The following TSNARE1 variants were observed in gnomAD, a reference collection of about 807,000 sequenced individuals.
TSNARE1 encodes t-SNARE domain containing 1.
TSNARE1 carries 49 observed loss-of-function variants against 62.0 expected under a neutral mutation model. That is an observed-to-expected ratio of 0.79 (90% confidence interval 0.63 to 1.00). The LOEUF is 1.00. TSNARE1 is among the 50% of genes least tolerant of loss of function. TSNARE1 has a pLI of 0.00. For missense variants in TSNARE1, 755 were observed against 700.1 expected (o/e 1.08, Z -0.88); for synonymous variants, 328 against 294.4 (o/e 1.11, Z -1.17).
chr8:142,215,744 T>C (rs925601238), intron 13 of TSNARE1, among the ~76,000 whole-genome samples: 2 of 152,196 alleles, frequency 1.3e-5, no homozygotes, highest in African/African-American at 4.8e-5. Flanking sequence ...AGAGGCCAGC[T>C]GGCAGTGGCA....
chr8:142,317,985 G>A (rs1828847636), intron 7 of TSNARE1, among the ~76,000 whole-genome samples: 1 of 152,154 alleles, frequency 6.6e-6, no homozygotes, highest in South Asian at 2.1e-4. Context: ...TTGCGGACAG[G>A]GTGGAAATGA....
At chr8:142,224,353 C>T (rs544474222) in intron 13 of TSNARE1, among the ~76,000 whole-genome samples, 15 of 152,322 alleles carry the variant, frequency 9.8e-5, no homozygotes, top group African/African-American at 3.6e-4. Context: ...ACACACTGAC[C>T]TCTGACCCTG....
In TSNARE1 at chr8:142,212,179, C is replaced by G. The variant is rs778981005; in HGVS notation, c.*146G>C. Reference sequence around the variant, plus strand: ...GGACAGCAGGCAGCTGTGAAGCTCTCGGGTCCATTGCAGGCCAAGTGACGG... The same window carrying G: ...GGACAGCAGGCAGCTGTGAAGCTCTGGGGTCCATTGCAGGCCAAGTGACGG... On this transcript the variant is annotated 3_prime_UTR_variant, in exon 14 of 14. Coordinates refer to ENST00000524325, the MANE Select transcript of TSNARE1 (RefSeq NM_145003.5). 1 of 152,478 alleles carries G rather than the reference C, an allele frequency of 6.6e-6. No homozygotes were observed. Among genetic ancestry groups the G allele is most frequent in the Non-Finnish European group, 1.5e-5 (1 of 68,260 alleles). 9.4% of individuals were successfully genotyped at this position (152,478 alleles called of 1,614,324 possible). A position where few individuals can be genotyped will look rare whatever the true frequency, so the allele number is the denominator to read the frequency against.
chr8:142,253,080 C>G (rs1041932795), intron 12 of TSNARE1, among the ~76,000 whole-genome samples: 1 of 152,232 alleles, frequency 6.6e-6, no homozygotes, highest in East Asian at 1.9e-4. Flanking sequence ...TGCCCACTCC[C>G]GGGTGCAGTA....
At chr8:142,376,734 G>A (rs1024476010) in intron 1 of TSNARE1, among the ~76,000 whole-genome samples, 33 of 152,174 alleles carry the variant, frequency 2.2e-4, no homozygotes, top group African/African-American at 6.3e-4. Context: ...ACCCAGACAC[G>A]GGACTCCCAG....
chr8:142,321,088 G>A (rs574819646), intron 6 of TSNARE1, among the ~76,000 whole-genome samples: 2 of 152,248 alleles, frequency 1.3e-5, no homozygotes, highest in South Asian at 2.1e-4. Context: ...CAAGTCCATC[G>A]TGGGAACAGG....
chr8:142,227,268 C>A (rs1816862977), intron 13 of TSNARE1, among the ~76,000 whole-genome samples: 1 of 151,164 alleles, frequency 6.6e-6, no homozygotes, highest in African/African-American at 2.5e-5. Flanking sequence ...ACAGCCAGGA[C>A]CTCCACTGCA....
intron 1 of TSNARE1, among the ~76,000 whole-genome samples, chr8:142,369,989 C>G (rs181058601): frequency 2.4e-4 from 36 of 152,182 alleles, no homozygotes; most frequent in African/African-American, 8.4e-4. Flanking sequence ...AGGAGGAGGG[C>G]CTTTTAGGAG....
intron 12 of TSNARE1, among the ~76,000 whole-genome samples, chr8:142,265,841 T>G (rs1819110656): frequency 6.6e-6 from 1 of 152,248 alleles, no homozygotes; most frequent in South Asian, 2.1e-4. Flanking sequence ...CATCTTTTCA[T>G]GAGCCTACTT....
chr8:142,286,654 T>C (rs1822815146), intron 10 of TSNARE1, among the ~76,000 whole-genome samples: 1 of 152,104 alleles, frequency 6.6e-6, no homozygotes, highest in Non-Finnish European at 1.5e-5. Flanking sequence ...CAGAGTGAGG[T>C]CACGGGTTCT....
At chr8:142,390,206 G>A (rs1837390691) in intron 1 of TSNARE1, among the ~76,000 whole-genome samples, 1 of 152,236 alleles carries the variant, frequency 6.6e-6, no homozygotes, top group African/African-American at 2.4e-5. Context: ...TGAATGTGAA[G>A]GCCTGGGACA....
chr8:142,391,693 G>A (rs1161726190), intron 1 of TSNARE1, among the ~76,000 whole-genome samples: 4 of 152,246 alleles, frequency 2.6e-5, no homozygotes, highest in African/African-American at 9.6e-5. Context: ...GCCTTGCATG[G>A]AGCCAGCACC....
Position 142,224,110 on chromosome 8 carries a change from G to A in TSNARE1, c.*11+5363C>T, listed in dbSNP as rs934271167. ...TCTCTGTCCCCATTACGCTGAGCCC[G>A]GCCCAGATCCTTCATCTACAGCAAG... On this transcript the variant is annotated intron_variant, in intron 13 of 13. Transcript: ENST00000524325. Among the ~76,000 whole-genome samples, 50 of 152,144 alleles carry A rather than the reference G, an allele frequency of 3.3e-4. 1 individual carries two copies. Among genetic ancestry groups the A allele is most frequent in the African/African-American group, 7.0e-4 (29 of 41,434 alleles).
intron 6 of TSNARE1, among the ~76,000 whole-genome samples, chr8:142,325,475 C>T (rs1013022342): frequency 1.3e-5 from 2 of 152,258 alleles, no homozygotes; most frequent in Non-Finnish European, 2.9e-5. Context: ...GGGCCAAGGC[C>T]GGGCCTGGAC....
At chr8:142,244,259 G>C (rs1329718442) in intron 12 of TSNARE1, among the ~76,000 whole-genome samples, 1 of 152,166 alleles carries the variant, frequency 6.6e-6, no homozygotes, top group Non-Finnish European at 1.5e-5. Context: ...AATTATTAGA[G>C]ATAATGAGAA....
intron 1 of TSNARE1, among the ~76,000 whole-genome samples, chr8:142,369,632 A>G (rs1835787405): frequency 6.6e-6 from 1 of 152,196 alleles, no homozygotes; most frequent in South Asian, 2.1e-4. Flanking sequence ...TCAGCAGAGA[A>G]ATGGAAACTA....
intron 4 of TSNARE1, among the ~76,000 whole-genome samples, chr8:142,341,009 T>C (rs1017416319): frequency 6.6e-6 from 1 of 152,230 alleles, no homozygotes; most frequent in Non-Finnish European, 1.5e-5. Context: ...AGACGAGGTA[T>C]GCAATTAGAG....
chr8:142,318,789 G>C (rs545179193), intron 6 of TSNARE1, among the ~76,000 whole-genome samples, 155 bp from the exon 7 acceptor site: 106 of 152,146 alleles, frequency 7.0e-4, no homozygotes, highest in African/African-American at 2.5e-3. Flanking sequence ...GAGACACACA[G>C]AGACAGAGAA....
At chr8:142,261,606 C>A (rs13274119) in intron 12 of TSNARE1, among the ~76,000 whole-genome samples, 21,059 of 152,012 alleles carry the variant, frequency 0.14, 1,625 homozygotes, top group East Asian at 0.27. Context: ...ATGTTCCTGG[C>A]GGAGGAAAGA....
Sources: gnomAD v4.1 joint callset for allele counts (sites outside exome capture counted in the v4.1 genomes callset) on GRCh38, gnomAD v4.1.1 for gene constraint, MANE v1.5 for transcripts, NCBI Gene and HGNC (gene_info 2026-07-23, HGNC 2026-07-21) for gene names.